Variants in EXOC6B observed in about 807,000 individuals in gnomAD.
The protein encoded by EXOC6B is SEC15 homolog B.
EXOC6B carries 54 observed loss-of-function variants against 113.5 expected under a neutral mutation model. The ratio of observed to expected loss-of-function variants is 0.48; its 90% CI spans 0.38 to 0.60. The LOEUF is 0.60. Ranked by LOEUF, EXOC6B falls within the 20% of genes least tolerant of loss-of-function variation. The pLI is 0.00. For synonymous variants in EXOC6B, 357 were observed against 339.0 expected (o/e 1.05, Z -0.58); for missense variants, 797 against 977.5 (o/e 0.82, Z 2.46).
At chr2:72,676,628 C>CA (rs1413415738) in intron 6 of EXOC6B, among the ~76,000 whole-genome samples, 1 of 152,102 alleles carries the variant, frequency 6.6e-6, no homozygotes, top group Non-Finnish European at 1.5e-5. Context: ...TTCACAGAAT[C>CA]AGAAATTAAC....
At chr2:72,505,422 A>G (rs568495333) in intron 11 of EXOC6B, among the ~76,000 whole-genome samples, 64 of 152,278 alleles carry the variant, frequency 4.2e-4, no homozygotes, top group Non-Finnish European at 5.4e-4. Context: ...TCCATTATCT[A>G]TCCAATGACC....
intron 6 of EXOC6B, among the ~76,000 whole-genome samples, chr2:72,631,394 T>C (rs1672382073): frequency 7.1e-6 from 1 of 141,678 alleles, no homozygotes; most frequent in African/African-American, 2.7e-5. Flanking sequence ...AGTGATATAG[T>C]AGTGTGTGTA....
Position 72,825,803 on chromosome 2 carries a change from C to G in EXOC6B, c.108G>C (p.Thr36=), listed in dbSNP as rs1454286763. ...ESTDTACIGP[T]LRSVYDGEEH... Reference sequence around the variant, plus strand: ...GGTCCCGGCACCCGGGGTACCTGAGCGTGGGCCCGATGCAGGCCGTGTCAG... The same window carrying G: ...GGTCCCGGCACCCGGGGTACCTGAGGGTGGGCCCGATGCAGGCCGTGTCAG... Residue 36 remains threonine, a synonymous_variant, in exon 1 of 22, where the codon ACG becomes ACC. Coordinates refer to ENST00000272427, the MANE Select transcript of EXOC6B (RefSeq NM_015189.3). This position sits in a 1 kb window ranked among gnomAD's most constrained non-coding sequence, Gnocchi z 4.4. 6.2e-7 allele frequency: 1 copy of G among 1,612,434 alleles called. No individual in the cohort carries two copies. The highest frequency in any genetic ancestry group is 8.5e-7 in the Non-Finnish European group (1 of 1,179,412).
intron 1 of EXOC6B, among the ~76,000 whole-genome samples, chr2:72,764,569 A>G (rs1233068448): frequency 1.3e-5 from 2 of 151,620 alleles, no homozygotes; most frequent in South Asian, 2.1e-4. Context: ...GGGTCTCACT[A>G]TGTTACGCAG....
Position 72,449,577 on chromosome 2 carries a change from G to A in EXOC6B, c.1980+15583C>T, listed in dbSNP as rs181341403. On this transcript the variant is annotated intron_variant, in intron 18 of 21. Coordinates refer to ENST00000272427, the MANE Select transcript of EXOC6B (RefSeq NM_015189.3). ...CCAGTGAAATTATATAACCATACAG[G>A]ACCAATATAAATATTTTCATAGATA... Among the ~76,000 whole-genome samples, 82 of 151,266 alleles carry A rather than the reference G, an allele frequency of 5.4e-4. 2 individuals are homozygous for A. The highest frequency in any genetic ancestry group is 3.4e-3 in the Middle Eastern group (1 of 292).
intron 19 of EXOC6B, among the ~76,000 whole-genome samples, chr2:72,374,814 T>C (rs562635695): frequency 1.3e-5 from 2 of 149,950 alleles, no homozygotes; most frequent in South Asian, 4.3e-4. Context: ...ATATGCCTAC[T>C]AGATACCTAC....
chr2:72,559,062 TC>T (rs1221992130), intron 8 of EXOC6B, among the ~76,000 whole-genome samples: 22 of 152,196 alleles, frequency 1.4e-4, no homozygotes, highest in Admixed American at 3.9e-4. Context: ...ACAGAGAGGT[TC>T]CCTTTTCCAT....
intron 19 of EXOC6B, among the ~76,000 whole-genome samples, chr2:72,337,233 G>A (rs374608177): frequency 7.0e-4 from 107 of 152,156 alleles, no homozygotes; most frequent in African/African-American, 2.4e-3. Context: ...TGACTACTTG[G>A]ATTGTTAGGT....
At chr2:72,457,890 C>T (rs1697344047) in intron 18 of EXOC6B, among the ~76,000 whole-genome samples, 1 of 152,102 alleles carries the variant, frequency 6.6e-6, no homozygotes, top group Non-Finnish European at 1.5e-5. Context: ...TCTCCTCTGA[C>T]CACTGCCTAT....
At chr2:72,402,904 T>C (rs999338016) in intron 18 of EXOC6B, among the ~76,000 whole-genome samples, 1 of 152,224 alleles carries the variant, frequency 6.6e-6, no homozygotes, top group Non-Finnish European at 1.5e-5. Flanking sequence ...TCAGCTCATG[T>C]AGAGCTGAAG....
intron 18 of EXOC6B, among the ~76,000 whole-genome samples, chr2:72,415,365 A>G (rs868561470): frequency 7.2e-5 from 11 of 152,182 alleles, no homozygotes; most frequent in African/African-American, 2.7e-4. Flanking sequence ...ACAGTGATTA[A>G]AGGCTGACTC....
chr2:72,823,141 G>A (rs1686671907), intron 1 of EXOC6B, among the ~76,000 whole-genome samples: 1 of 123,850 alleles, frequency 8.1e-6, no homozygotes, highest in Non-Finnish European at 1.6e-5. Flanking sequence ...AAGACTCAGT[G>A]TAATCTGCTA....
intron 18 of EXOC6B, among the ~76,000 whole-genome samples, chr2:72,385,039 C>T (rs59386422): frequency 0.094 from 14,262 of 151,990 alleles, 1,743 homozygotes; most frequent in African/African-American, 0.28. Flanking sequence ...CCACAAAAGA[C>T]CCCAAATAGC....
chr2:72,791,624 G>A (rs1396705634), intron 1 of EXOC6B, among the ~76,000 whole-genome samples: 2 of 152,074 alleles, frequency 1.3e-5, no homozygotes, highest in African/African-American at 4.8e-5. Flanking sequence ...TTAAGATCAA[G>A]GGCCACATAA....
chr2:72,575,253 G>A (rs1704757273), intron 7 of EXOC6B, among the ~76,000 whole-genome samples: 1 of 152,044 alleles, frequency 6.6e-6, no homozygotes, highest in Admixed American at 6.6e-5. Flanking sequence ...TAAAAACCCT[G>A]AAACTTTTCA....
rs150875300 is a variant in EXOC6B, at chr2:72,646,976, A to G, written c.669+71127T>C. ...GGCATTCAGGCAAGAGAAAGAATTA[A>G]AGGGTATTCAATTAGGAAAAGAGGA... On this transcript the variant is annotated intron_variant, in intron 6 of 21. Transcript: ENST00000272427. Among the ~76,000 whole-genome samples the G allele has an allele frequency of 2.1e-3, 318 of 152,322 alleles. 1 individual carries two copies. The highest frequency in any genetic ancestry group is 3.8e-3 in the Non-Finnish European group (256 of 68,026).
intron 18 of EXOC6B, among the ~76,000 whole-genome samples, chr2:72,426,666 C>G (rs923549663): frequency 6.6e-6 from 1 of 152,222 alleles, no homozygotes; most frequent in African/African-American, 2.4e-5. Flanking sequence ...CCCCACCTCT[C>G]CTATCAGTCC....
At chr2:72,229,126 T>C (rs551372358) in intron 20 of EXOC6B, among the ~76,000 whole-genome samples, 4 of 152,314 alleles carry the variant, frequency 2.6e-5, no homozygotes, top group Admixed American at 1.3e-4. Flanking sequence ...TGTTTTTTTC[T>C]TGTAAATTTG....
At chr2:72,763,827 A>G (rs1357519980) in intron 1 of EXOC6B, among the ~76,000 whole-genome samples, 1 of 152,098 alleles carries the variant, frequency 6.6e-6, no homozygotes, top group East Asian at 1.9e-4. Flanking sequence ...ATACCTGTAA[A>G]CCCAGCAGCT....
Sources: gnomAD v4.1 joint callset for allele counts (sites outside exome capture counted in the v4.1 genomes callset) on GRCh38, gnomAD v4.1.1 for gene constraint, Gnocchi (gnomAD v3.1) non-coding constraint, MANE v1.5 for transcripts, NCBI Gene and HGNC (gene_info 2026-07-23, HGNC 2026-07-21) for gene names.